The following STUM variants were observed in gnomAD, a reference collection of about 807,000 sequenced individuals.
STUM encodes protein stum homolog.
STUM carries 8 observed loss-of-function variants against 15.3 expected under a neutral mutation model. That is an observed-to-expected ratio of 0.52 (90% CI 0.31 to 0.94). STUM has a LOEUF of 0.94. Among genes scored for constraint, STUM ranks in the 40% least tolerant of loss-of-function variants. STUM has a pLI of 0.05. For synonymous variants in STUM, 78 were observed against 88.7 expected (o/e 0.88, Z 0.68); for missense variants, 142 against 204.9 (o/e 0.69, Z 1.87).
intron 1 of STUM, among the ~76,000 whole-genome samples, chr1:226,590,212 A>G (rs1372272073): frequency 6.6e-6 from 1 of 151,866 alleles, no homozygotes; most frequent in Non-Finnish European, 1.5e-5. Flanking sequence ...AAACAAGCTT[A>G]AGTTTCTCCC....
At chr1:226,587,888 C>G (rs914872248) in intron 1 of STUM, among the ~76,000 whole-genome samples, 4 of 152,078 alleles carry the variant, frequency 2.6e-5, no homozygotes, top group African/African-American at 9.7e-5. Flanking sequence ...AGGAAAGACC[C>G]CTTAGTTACT....
At chr1:226,577,184 G>A (rs762683624) in intron 1 of STUM, among the ~76,000 whole-genome samples, 57 of 152,222 alleles carry the variant, frequency 3.7e-4, no homozygotes, top group South Asian at 8.3e-4. Context: ...CAGCATTGGT[G>A]TTGGTCTTCT....
chr1:226,589,993 CA>C (rs1668059884), intron 1 of STUM, among the ~76,000 whole-genome samples: 1 of 152,040 alleles, frequency 6.6e-6, no homozygotes, highest in Non-Finnish European at 1.5e-5. Context: ...GTGCCTGTGG[CA>C]GTCTAGAGGT....
At position 226,552,444 on chromosome 1, in the gene STUM, C is replaced by A. The variant is rs1667387739; in HGVS notation, c.202+3338C>A. On this transcript the variant is annotated intron_variant, in intron 1 of 3. Coordinates refer to ENST00000366788, the MANE Select transcript of STUM (RefSeq NM_001003665.4). This position sits in a 1 kb window ranked among gnomAD's most constrained non-coding sequence, Gnocchi z 4.7. ...ATAAGTATATACACGATTATTCATA[C>A]CTGTAATGAAAGTTCATTGTTATGC... 6.6e-6 allele frequency among the ~76,000 whole-genome samples: 1 copy of A among 152,138 alleles called. No individual in the cohort carries two copies. The highest frequency in any genetic ancestry group is 1.5e-5 in the Non-Finnish European group (1 of 68,022).
rs1258432317 is a variant in STUM at position 226,608,950 on chromosome 1, C to A, written c.*6910C>A. 1 of 152,248 alleles carries A rather than the reference C, an allele frequency of 6.6e-6. No homozygotes were observed. The highest frequency in any genetic ancestry group is 2.4e-5 in the African/African-American group (1 of 41,452). 9.4% of individuals were successfully genotyped at this position (152,248 alleles called of 1,614,324 possible). On this transcript the variant is annotated 3_prime_UTR_variant, in exon 4 of 4. Transcript: ENST00000366788. The surrounding 1 kb of genome is among the most constrained non-coding windows in gnomAD (Gnocchi z 4.0). ...CAAGCAGGGTTCCAGATTCTCCAGCCTTCTGCCAGCTTTAAAACCCTTCAC... is the reference window on the plus strand; with the variant it reads ...CAAGCAGGGTTCCAGATTCTCCAGCATTCTGCCAGCTTTAAAACCCTTCAC...
chr1:226,577,669 T>C (rs1185386400), intron 1 of STUM, among the ~76,000 whole-genome samples: 2 of 151,820 alleles, frequency 1.3e-5, no homozygotes, highest in African/African-American at 4.8e-5. Flanking sequence ...TTCATGGGAG[T>C]AAGGGCAACT....
chr1:226,596,833 C>T lies in STUM; in HGVS notation c.234C>T (p.Cys78=), dbSNP rs111228990. The change falls in exon 2 of 4, where the codon TGC becomes TGT. Residue 78 remains cysteine (C), a synonymous_variant. Coordinates refer to ENST00000366788, the MANE Select transcript of STUM (RefSeq NM_001003665.4). Reference sequence around the variant, plus strand: ...TCGTCTCGGCCTTCACTGTGCTGTGCGGGGCCCGCACCGACCTCCCGGACA... The same window carrying T: ...TCGTCTCGGCCTTCACTGTGCTGTGTGGGGCCCGCACCGACCTCCCGGACA... ...GTFVSAFTVL[C]GARTDLPDRH... 119 of 1,614,070 alleles carry T rather than the reference C, an allele frequency of 7.4e-5. 2 individuals carry two copies. The South Asian group carries it at 1.1e-3, about 14-fold the overall frequency.
chr1:226,587,114 C>T (rs981501195), intron 1 of STUM, among the ~76,000 whole-genome samples: 1 of 152,192 alleles, frequency 6.6e-6, no homozygotes, highest in African/African-American at 2.4e-5. Flanking sequence ...AGCCCCGCCA[C>T]AGAGTGCCCA....
intron 1 of STUM, among the ~76,000 whole-genome samples, chr1:226,569,693 G>A (rs878869672): frequency 2.6e-5 from 4 of 152,158 alleles, no homozygotes; most frequent in African/African-American, 9.7e-5. Context: ...TCCTGGGGAA[G>A]CTCAATGTAA....
At chr1:226,558,434 C>T (rs116438956) in intron 1 of STUM, among the ~76,000 whole-genome samples, 2,109 of 152,244 alleles carry the variant, frequency 0.014, 20 homozygotes, top group South Asian at 0.038. Context: ...CAATTCCATG[C>T]AGCACATGGA....
chr1:226,572,600 G>C (rs1160751409), intron 1 of STUM, among the ~76,000 whole-genome samples: 1 of 152,172 alleles, frequency 6.6e-6, no homozygotes, highest in Non-Finnish European at 1.5e-5. Context: ...GATTAAGCAG[G>C]CCAGGGAAGC....
intron 1 of STUM, among the ~76,000 whole-genome samples, chr1:226,578,349 CA>C (rs148775932): frequency 0.054 from 7,929 of 146,812 alleles, 236 homozygotes; most frequent in South Asian, 0.12. Flanking sequence ...ACCACCGCCC[CA>C]ACCCCCAGCT....
intron 1 of STUM, among the ~76,000 whole-genome samples, chr1:226,564,315 G>A (rs552257048): frequency 6.6e-6 from 1 of 152,310 alleles, no homozygotes; most frequent in African/African-American, 2.4e-5. Flanking sequence ...GAAATGCTTG[G>A]AGGTCAAGCA....
chr1:226,549,224 C>A lies in STUM; in HGVS notation c.202+118C>A. On this transcript the variant is annotated intron_variant, in intron 1 of 3. Coordinates refer to ENST00000366788, the MANE Select transcript of STUM (RefSeq NM_001003665.4). The surrounding 1 kb of genome is among the most constrained non-coding windows in gnomAD (Gnocchi z 6.8). ...GGCCGCGCGCTCCAAGTGCTGCGAC[C>A]ACGCGCCACCGCCCGCTCCTGGCGT... 1 of 839,338 alleles carries A rather than the reference C, an allele frequency of 1.2e-6. No homozygotes were observed. Among genetic ancestry groups the A allele is most frequent in the Non-Finnish European group, 1.8e-6 (1 of 560,588 alleles). The allele number at this position is 839,338 out of a possible 1,614,324, so 52.0% of individuals were successfully genotyped here.
At chr1:226,559,352 C>A (rs1456579255) in intron 1 of STUM, among the ~76,000 whole-genome samples, 1 of 152,214 alleles carries the variant, frequency 6.6e-6, no homozygotes, top group Non-Finnish European at 1.5e-5. Context: ...AATTTACGGA[C>A]AAGGGAAGAA....
In STUM at chr1:226,591,511, G is replaced by A. The variant is rs547232301; in HGVS notation, c.203-5291G>A. ...CATATAAGCCAAAGCCTTTGCTAAG[G>A]ATCATTCAGTTTGCACAGCCCTGCT... On this transcript the variant is annotated intron_variant, in intron 1 of 3. Transcript: ENST00000366788. 3.3e-5 allele frequency among the ~76,000 whole-genome samples: 5 copies of A among 152,178 alleles called. No homozygotes were observed. In the South Asian group the frequency reaches 6.2e-4, roughly 19 times the overall value.
chr1:226,551,722 A>T (rs551830703), intron 1 of STUM, among the ~76,000 whole-genome samples: 1 of 152,258 alleles, frequency 6.6e-6, no homozygotes, highest in African/African-American at 2.4e-5. Context: ...ATGATGAATA[A>T]ATCAGTCAGG....
At chr1:226,593,306 C>T (rs1668120438) in intron 1 of STUM, among the ~76,000 whole-genome samples, 1 of 152,096 alleles carries the variant, frequency 6.6e-6, no homozygotes, top group Non-Finnish European at 1.5e-5. Context: ...AGGTTGGGGG[C>T]AAACTCTTAC....
chr1:226,552,591 C>T lies in STUM; in HGVS notation c.202+3485C>T, dbSNP rs899081885. Reference sequence around the variant, plus strand: ...TTGATATCTCAGTGACACGGAAAGTCGAAGGGAGGAGGACCTCCATTGACC... The same window carrying T: ...TTGATATCTCAGTGACACGGAAAGTTGAAGGGAGGAGGACCTCCATTGACC... On this transcript the variant is annotated intron_variant, in intron 1 of 3. Coordinates refer to ENST00000366788, the MANE Select transcript of STUM (RefSeq NM_001003665.4). This position sits in a 1 kb window ranked among gnomAD's most constrained non-coding sequence, Gnocchi z 4.7. Among the ~76,000 whole-genome samples the T allele has an allele frequency of 2.0e-5, 3 of 152,122 alleles. No homozygotes were observed. The highest frequency in any genetic ancestry group is 7.2e-5 in the African/African-American group (3 of 41,398).
Sources: gnomAD v4.1 joint callset for allele counts (sites outside exome capture counted in the v4.1 genomes callset) on GRCh38, gnomAD v4.1.1 for gene constraint, Gnocchi (gnomAD v3.1) non-coding constraint, MANE v1.5 for transcripts, NCBI Gene and HGNC (gene_info 2026-07-23, HGNC 2026-07-21) for gene names.